ACSS2: variants seen among roughly 807,000 people sequenced by gnomAD.
ACSS2 encodes the protein acetyl-coenzyme A synthetase, cytoplasmic.
ACSS2 carries 58 observed loss-of-function variants against 90.6 expected under a neutral mutation model. That is an observed-to-expected ratio of 0.64 (90% confidence interval 0.52 to 0.80). The LOEUF (loss-of-function observed/expected upper bound fraction) is 0.80, where lower values mean the gene tolerates loss of function less well. Ranked by LOEUF, ACSS2 falls within the 30% of genes least tolerant of loss-of-function variation. The pLI is 0.00. For missense variants in ACSS2, 759 were observed against 912.0 expected (o/e 0.83, Z 2.16); for synonymous variants, 300 against 330.9 (o/e 0.91, Z 1.01).
intron 6 of ACSS2, 47 bp downstream of exon 6, chr20:34,914,218 T>G: frequency 6.2e-7 from 1 of 1,611,748 alleles, no homozygotes; most frequent in Non-Finnish European, 8.5e-7. Context: ...CTTTCCCCAG[T>G]GCCAGGTTCC....
chr20:34,920,944 G>A, intron 9 of ACSS2, 62 bp from the exon 10 acceptor site: 8 of 1,605,774 alleles, frequency 5.0e-6, no homozygotes, highest in Non-Finnish European at 5.1e-6. Context: ...TGAGGGAATG[G>A]TAGGGGGATG....
intron 14 of ACSS2, among the ~76,000 whole-genome samples, chr20:34,924,085 G>A (rs909738364): frequency 6.6e-6 from 1 of 152,166 alleles, no homozygotes; most frequent in Non-Finnish European, 1.5e-5. Flanking sequence ...GATGGACAAT[G>A]TATGCTCCTG....
rs371901700 is a variant in ACSS2, at chr20:34,915,242, C to T, written c.834+805C>T. The T allele has an allele frequency of 9.9e-6, 16 of 1,613,824 alleles. No homozygotes were observed. The highest frequency in any genetic ancestry group is 5.0e-5 in the Admixed American group (3 of 60,006). On this transcript the variant is annotated intron_variant, in intron 7 of 17. Transcript: ENST00000360596. ...GGGTAAACTGAAAGAGAAATCCAAG[C>T]GTGTTCAGCCCCAGGTATCCATTTC... is the stretch of plus-strand genomic sequence containing the variant.
intron 7 of ACSS2, chr20:34,915,091 A>G: frequency 2.0e-6 from 2 of 993,718 alleles, no homozygotes; most frequent in South Asian, 1.4e-5. Context: ...AATCAGGATC[A>G]GGAAAATGGA....
At position 34,904,715 on chromosome 20, in the gene ACSS2, G is replaced by A. The variant is rs566007662; in HGVS notation, c.375-8381G>A. Among the ~76,000 whole-genome samples the A allele has an allele frequency of 1.3e-3, 201 of 152,202 alleles. 3 individuals are homozygous for A. Among genetic ancestry groups the A allele is most frequent in the African/African-American group, 4.7e-3 (195 of 41,526 alleles). On this transcript the variant is annotated intron_variant, in intron 2 of 17. Coordinates refer to ENST00000360596, the MANE Select transcript of ACSS2 (RefSeq NM_018677.4). ...GTGTGAGAATGAAGTAGTTGGAGAA[G>A]ACTCCTTGGAGGAGGTTCCCTAGGG...
rs150176321 is a variant in ACSS2 at position 34,908,088 on chromosome 20, T to G, written c.375-5008T>G. Among the ~76,000 whole-genome samples the G allele has an allele frequency of 1.6e-4, 24 of 152,278 alleles. No individual in the cohort carries two copies. The East Asian group carries it at 4.4e-3, about 28-fold the overall frequency. On this transcript the variant is annotated intron_variant, in intron 2 of 17. Transcript: ENST00000360596. ...AGGTTTCAGTTACCTCCTTCATAAG[T>G]GCTCTGTGCAGTAAGGAAGGAGAGG... is the stretch of plus-strand genomic sequence containing the variant.
upstream of ACSS2, chr20:34,876,499 G>T (rs1352144119): frequency 1.0e-6 from 1 of 974,586 alleles, no homozygotes; most frequent in African/African-American, 1.7e-5. Context: ...GCCCCCTCTG[G>T]CACCGCCCAC....
At chr20:34,920,962 G>T in intron 9 of ACSS2, 44 bp from the exon 10 acceptor site, 1 of 1,611,600 alleles carries the variant, frequency 6.2e-7, no homozygotes, top group Non-Finnish European at 8.5e-7. Context: ...ATGAATAGAA[G>T]GACTATTAGG....
At chr20:34,897,518 T>C (rs1568974753) in intron 2 of ACSS2, among the ~76,000 whole-genome samples, 1 of 152,128 alleles carries the variant, frequency 6.6e-6, no homozygotes, top group Admixed American at 6.5e-5. Flanking sequence ...TCAAGGTTCA[T>C]CCATGTTATA....
chr20:34,927,085 A>C lies in ACSS2; in HGVS notation c.1979-2A>C, dbSNP rs764378446. The C allele has an allele frequency of 8.1e-6, 13 of 1,614,134 alleles. No individual in the cohort carries two copies. In the South Asian group the frequency reaches 1.4e-4, roughly 18 times the overall value. On this transcript the variant is annotated splice_acceptor_variant, in intron 17 of 17. Coordinates refer to ENST00000360596, the MANE Select transcript of ACSS2 (RefSeq NM_018677.4). LOFTEE classifies it high-confidence loss of function. The surrounding 1 kb of genome is among the most constrained non-coding windows in gnomAD (Gnocchi z 4.2). ...AGTAACTAGAGGTCTGTGGTTCCCCAGGGAAAATCATGAGGCGAGTGCTTC... is the reference window on the plus strand; with the variant it reads ...AGTAACTAGAGGTCTGTGGTTCCCCCGGGAAAATCATGAGGCGAGTGCTTC...
At chr20:34,894,962 C>T (rs1042958482) in intron 2 of ACSS2, among the ~76,000 whole-genome samples, 3 of 152,082 alleles carry the variant, frequency 2.0e-5, no homozygotes, top group African/African-American at 7.2e-5. Context: ...TGGACCCTAT[C>T]CCAGACTATT....
At chr20:34,897,570 G>A (rs2080494620) in intron 2 of ACSS2, among the ~76,000 whole-genome samples, 1 of 152,156 alleles carries the variant, frequency 6.6e-6, no homozygotes, top group African/African-American at 2.4e-5. Flanking sequence ...CAGCACTTTG[G>A]GAGGCTGAGG....
Position 34,876,858 on chromosome 20 carries a change from TGAG to T in ACSS2, c.178+39_178+41del, listed in dbSNP as rs1379969248. The stretch of plus-strand genomic sequence containing the variant: ...GGCCCGGGCGGGCCTGGGGTGTCAG[TGAG>T]GAGAAGAGTGGGGGCTCCCTGGGGG... On this transcript the variant is annotated intron_variant, in intron 1 of 17. Coordinates refer to ENST00000360596, the MANE Select transcript of ACSS2 (RefSeq NM_018677.4). 6 of 1,247,420 alleles carry T rather than the reference TGAG, an allele frequency of 4.8e-6. No individual in the cohort carries two copies. In the African/African-American group the frequency reaches 6.3e-5, roughly 13 times the overall value. 77.3% of individuals were successfully genotyped at this position (1,247,420 alleles called of 1,614,324 possible).
At chr20:34,916,195 A>G (rs2081074562) in intron 7 of ACSS2, among the ~76,000 whole-genome samples, 2 of 152,188 alleles carry the variant, frequency 1.3e-5, no homozygotes, top group Non-Finnish European at 2.9e-5. Flanking sequence ...GGCAGGACCT[A>G]CACCCTTTCT....
intron 2 of ACSS2, among the ~76,000 whole-genome samples, chr20:34,892,415 G>A (rs1431041775): frequency 1.3e-5 from 2 of 151,828 alleles, no homozygotes; most frequent in African/African-American, 4.8e-5. Context: ...GTCCTTAGAG[G>A]TCATTTGGTC....
chr20:34,911,332 C>T (rs1200864025), intron 2 of ACSS2, among the ~76,000 whole-genome samples: 1 of 151,932 alleles, frequency 6.6e-6, no homozygotes, highest in African/African-American at 2.4e-5. Context: ...GCATTACAAG[C>T]ATGCACTACC....
At chr20:34,909,650 C>A (rs1307205875) in intron 2 of ACSS2, among the ~76,000 whole-genome samples, 1 of 151,990 alleles carries the variant, frequency 6.6e-6, no homozygotes, top group African/African-American at 2.4e-5. Flanking sequence ...GTTCTTCCTA[C>A]CCCTGTTACC....
chr20:34,883,516 G>A (rs1315892273), intron 2 of ACSS2, among the ~76,000 whole-genome samples: 1 of 152,212 alleles, frequency 6.6e-6, no homozygotes, highest in East Asian at 1.9e-4. Context: ...CTAGCTAGAA[G>A]CAAGGCTGAG....
At chr20:34,913,520 G>C (rs376175545) in intron 4 of ACSS2, 24 bp downstream of exon 4, 1 of 1,599,648 alleles carries the variant, frequency 6.3e-7, no homozygotes, top group Non-Finnish European at 8.5e-7. Flanking sequence ...CTGGTGAAAA[G>C]GGGCAGGCGG....
Sources: gnomAD v4.1 joint callset for allele counts (sites outside exome capture counted in the v4.1 genomes callset) on GRCh38, gnomAD v4.1.1 for gene constraint, Gnocchi (gnomAD v3.1) non-coding constraint, MANE v1.5 for transcripts, NCBI Gene and HGNC (gene_info 2026-07-23, HGNC 2026-07-21) for gene names.